Variants in ANKFY1 observed in about 807,000 individuals in gnomAD.
ANKFY1 encodes ankyrin repeat and FYVE domain-containing protein 1.
A neutral mutation model predicts 128.3 loss-of-function variants in ANKFY1; 47 were observed. The ratio of observed to expected loss-of-function variants is 0.37; its 90% CI spans 0.29 to 0.47. ANKFY1 has a LOEUF of 0.47. Ranked by LOEUF, ANKFY1 falls within the 20% of genes least tolerant of loss-of-function variation. The pLI, the probability that ANKFY1 is intolerant of heterozygous loss-of-function variation, is 1.00. For missense variants in ANKFY1, 1,222 were observed against 1,510.6 expected (o/e 0.81, Z 3.17); for synonymous variants, 553 against 601.6 (o/e 0.92, Z 1.18).
In ANKFY1 at chr17:4,184,965, T is replaced by C. The variant is rs1276334317; in HGVS notation, c.1552A>G (p.Asn518Asp). The part of the protein sequence containing the change: ...AELLQQGANP[N>D]LQTEEALPLP... ...GGCAGAGCTTCCTCCGTCTGCAGGT[T>C]TGGGTTGGCGCCTTGCTGCAGGAGC... Residue 518 changes from asparagine to aspartate, a missense_variant, in exon 12 of 25, where the codon AAC becomes GAC. Asn to Asp is a conservative substitution (Grantham distance 23). Coordinates refer to ENST00000341657, the MANE Select transcript of ANKFY1 (RefSeq NM_001330063.2). The C allele has an allele frequency of 6.2e-7, 1 of 1,614,054 alleles. No homozygotes were observed. The highest frequency in any genetic ancestry group is 8.5e-7 in the Non-Finnish European group (1 of 1,180,032).
chr17:4,218,868 C>A (rs183637119), intron 3 of ANKFY1, among the ~76,000 whole-genome samples: 1 of 151,996 alleles, frequency 6.6e-6, no homozygotes. Context: ...CAGAGCAAGA[C>A]CCTGTCTCAA....
chr17:4,172,970 C>T (rs925578702), intron 21 of ANKFY1, among the ~76,000 whole-genome samples: 1 of 152,232 alleles, frequency 6.6e-6, no homozygotes, highest in African/African-American at 2.4e-5. Context: ...CGCCATTCTC[C>T]TGCCTCAGCC....
At chr17:4,179,993 G>T in intron 16 of ANKFY1, 116 bp from the exon 17 acceptor site, 2 of 1,324,202 alleles carry the variant, frequency 1.5e-6, no homozygotes, top group Non-Finnish European at 2.1e-6. Flanking sequence ...GCTGTGGCCG[G>T]GTCTGCTGTC....
intron 2 of ANKFY1, among the ~76,000 whole-genome samples, chr17:4,240,256 G>A (rs1967137334): frequency 6.6e-6 from 1 of 151,406 alleles, no homozygotes; most frequent in Non-Finnish European, 1.5e-5. Flanking sequence ...AGTAGAAACG[G>A]GGTTTCACCA....
intron 2 of ANKFY1, among the ~76,000 whole-genome samples, chr17:4,239,391 A>G (rs532323343): frequency 6.6e-5 from 10 of 152,352 alleles, no homozygotes; most frequent in African/African-American, 2.4e-4. Context: ...ATATTTCACA[A>G]GAAGCTACAT....
intron 2 of ANKFY1, among the ~76,000 whole-genome samples, chr17:4,239,674 G>C (rs983108249): frequency 6.6e-6 from 1 of 152,202 alleles, no homozygotes; most frequent in Non-Finnish European, 1.5e-5. Flanking sequence ...GAGTAGCTGG[G>C]ATTACAGGCG....
intron 18 of ANKFY1, among the ~76,000 whole-genome samples, chr17:4,177,556 C>T (rs1157640940): frequency 6.6e-6 from 1 of 152,146 alleles, no homozygotes; most frequent in African/African-American, 2.4e-5. Context: ...ACTGTGGCAG[C>T]CTCCTGTAGT....
intron 4 of ANKFY1, 120 bp from the exon 5 acceptor site, chr17:4,210,067 G>C (rs2143017253): frequency 1.2e-6 from 1 of 808,352 alleles, no homozygotes; most frequent in Non-Finnish European, 1.8e-6. Flanking sequence ...ATGGGATAAG[G>C]TTAAGCAAAG....
intron 4 of ANKFY1, among the ~76,000 whole-genome samples, chr17:4,211,297 T>A (rs1043326437): frequency 6.6e-6 from 1 of 150,874 alleles, no homozygotes; most frequent in African/African-American, 2.4e-5. Flanking sequence ...CTGGGGAGGC[T>A]GAGGCACAAG....
chr17:4,241,072 C>G (rs146794888), intron 2 of ANKFY1, among the ~76,000 whole-genome samples: 191 of 152,232 alleles, frequency 1.3e-3, no homozygotes, highest in Non-Finnish European at 1.9e-3. Context: ...AAAAGAAAAA[C>G]GACAGCTAAC....
At chr17:4,242,186 G>T in intron 2 of ANKFY1, 70 bp downstream of exon 2, 1 of 1,376,256 alleles carries the variant, frequency 7.3e-7, no homozygotes. Context: ...GGAAGAAAGT[G>T]AATGAGAAAA....
intron 3 of ANKFY1, among the ~76,000 whole-genome samples, chr17:4,219,433 A>C (rs1490987291): frequency 6.6e-6 from 1 of 152,208 alleles, no homozygotes; most frequent in Non-Finnish European, 1.5e-5. Context: ...GGGGCCCAGC[A>C]CATGTCCTAA....
chr17:4,184,265 G>C (rs967111475), intron 12 of ANKFY1, among the ~76,000 whole-genome samples: 3 of 152,018 alleles, frequency 2.0e-5, no homozygotes, highest in African/African-American at 7.2e-5. Flanking sequence ...ACTTCTGTGA[G>C]GACCAAAAAA....
rs560265260 is a variant in ANKFY1 at position 4,167,973 on chromosome 17, C to T, written c.3378-62G>A. The T allele has an allele frequency of 3.5e-5, 55 of 1,566,954 alleles. No homozygotes were observed. The African/African-American group carries it at 4.3e-4, about 12-fold the overall frequency. On this transcript the variant is annotated intron_variant, in intron 24 of 24. Coordinates refer to ENST00000341657, the MANE Select transcript of ANKFY1 (RefSeq NM_001330063.2). The surrounding 1 kb of genome is among the most constrained non-coding windows in gnomAD (Gnocchi z 4.1). Reference sequence around the variant, plus strand: ...CAACGACAGACTCTGCTTCCTGGCACGTGAGGACAACCGCAGCAGGGCCTG... The same window carrying T: ...CAACGACAGACTCTGCTTCCTGGCATGTGAGGACAACCGCAGCAGGGCCTG...
chr17:4,242,287 C>A lies in ANKFY1; in HGVS notation c.172G>T (p.Val58Leu). The change falls in exon 2 of 25, where the codon GTG becomes TTG. Residue 58 changes from valine (V) to leucine (L), a missense_variant. Coordinates refer to ENST00000341657, the MANE Select transcript of ANKFY1 (RefSeq NM_001330063.2). ...TGCTCCTGCTCGTAGAGGTCTGCCA[C>A]GATGGCCAGCAGACGGCTGATGAAG... ...ESFISRLLAI[V>L]ADLYEQEQYS... The A allele has an allele frequency of 6.3e-7, 1 of 1,591,658 alleles. No individual in the cohort carries two copies. Among genetic ancestry groups the A allele is most frequent in the East Asian group, 2.3e-5 (1 of 43,082 alleles).
chr17:4,179,513 G>T, intron 17 of ANKFY1: 3 of 640,408 alleles, frequency 4.7e-6, no homozygotes, highest in East Asian at 5.5e-5. Flanking sequence ...AAGAGAAAGA[G>T]CTGAAACAAA....
chr17:4,173,349 C>T lies in ANKFY1; in HGVS notation c.3014+5G>A. 6.2e-7 allele frequency: 1 copy of T among 1,613,948 alleles called. No homozygotes were observed. The highest frequency in any genetic ancestry group is 1.1e-5 in the South Asian group (1 of 91,082). ...GCGGGGCCTACTCGGGCCCAACGCG[C>T]TCACCTGAGATTAAAGGCTTCGGCG... On this transcript the variant is annotated splice_donor_5th_base_variant and intron_variant, in intron 21 of 24. Transcript: ENST00000341657.
chr17:4,259,541 C>CA (rs1968296141), intron 1 of ANKFY1, among the ~76,000 whole-genome samples: 1 of 152,176 alleles, frequency 6.6e-6, no homozygotes, highest in Non-Finnish European at 1.5e-5. Context: ...CTTGGCCTCC[C>CA]AAAGTGCTGA....
At chr17:4,209,394 G>A (rs546575562) in intron 5 of ANKFY1, among the ~76,000 whole-genome samples, 26 of 152,280 alleles carry the variant, frequency 1.7e-4, no homozygotes, top group African/African-American at 5.3e-4. Context: ...TCCGCCTCCC[G>A]GGTTTACGTG....
Sources: gnomAD v4.1 joint callset for allele counts (sites outside exome capture counted in the v4.1 genomes callset) on GRCh38, gnomAD v4.1.1 for gene constraint, Gnocchi (gnomAD v3.1) non-coding constraint, MANE v1.5 for transcripts, NCBI Gene and HGNC (gene_info 2026-07-23, HGNC 2026-07-21) for gene names.